The following MTUS1 variants were observed in gnomAD, a reference collection of about 807,000 sequenced individuals.
MTUS1 encodes microtubule associated scaffold protein 1.
Under a neutral mutation model 120.8 loss-of-function variants are expected in MTUS1, and 109 were observed. The observed-to-expected ratio is 0.90, with a 90% confidence interval of 0.77 to 1.06. The LOEUF is 1.06. Ranked by LOEUF, MTUS1 falls within the 50% of genes least tolerant of loss-of-function variation. The pLI is 0.00. For missense variants in MTUS1, 2,210 were observed against 1,486.3 expected, an observed-to-expected ratio of 1.49 and a Z score of -8.01; for synonymous variants, 737 against 550.5, an observed-to-expected ratio of 1.34 and a Z score of -4.74.
rs199622749 is a variant in MTUS1, at chr8:17,754,770, A to G, written c.1038T>C (p.Ile346=). 4.6e-5 allele frequency: 74 copies of G among 1,614,112 alleles called. No homozygotes were observed. The highest frequency in any genetic ancestry group is 1.0e-5 in the Non-Finnish European group (12 of 1,180,054). The change falls in exon 2 of 15, where the codon ATT becomes ATC. Residue 346 remains isoleucine (I), a synonymous_variant. Transcript: ENST00000693296. ...NLRETVSYCL[I]DDECPLMVPA... ...GCACCATTAAAGGGCATTCATCATC[A>G]ATAAGACAATAGGACACTGTCTCTC...
chr8:17,650,194 T>C (rs982361118), intron 12 of MTUS1, among the ~76,000 whole-genome samples: 12 of 152,202 alleles, frequency 7.9e-5, no homozygotes, highest in African/African-American at 2.9e-4. Flanking sequence ...TATGCAAAAA[T>C]GTGAGTTGCA....
intron 2 of MTUS1, among the ~76,000 whole-genome samples, chr8:17,745,394 G>T (rs1020998090): frequency 6.6e-6 from 1 of 152,128 alleles, no homozygotes; most frequent in Admixed American, 6.5e-5. Context: ...GTTTCAGGTG[G>T]ATTCAACATA....
chr8:17,742,631 TCTC>T (rs2047428584), intron 3 of MTUS1, among the ~76,000 whole-genome samples: 1 of 152,068 alleles, frequency 6.6e-6, no homozygotes, highest in Admixed American at 6.6e-5. Context: ...TGTGGTCATG[TCTC>T]CTTGACCTTG....
At chr8:17,692,965 C>T (rs1817250346) in intron 6 of MTUS1, among the ~76,000 whole-genome samples, 1 of 152,218 alleles carries the variant, frequency 6.6e-6, no homozygotes, top group Non-Finnish European at 1.5e-5. Context: ...GCAGTAATCA[C>T]TTTTAATGTC....
At chr8:17,665,015 G>A (rs1810593178) in intron 8 of MTUS1, among the ~76,000 whole-genome samples, 1 of 152,176 alleles carries the variant, frequency 6.6e-6, no homozygotes, top group Non-Finnish European at 1.5e-5. Flanking sequence ...AATACCACCT[G>A]TTCTGCCAAC....
At chr8:17,738,652 C>G (rs1228722975) in intron 3 of MTUS1, among the ~76,000 whole-genome samples, 1 of 152,110 alleles carries the variant, frequency 6.6e-6, no homozygotes, top group South Asian at 2.1e-4. Flanking sequence ...GTTGACTTCA[C>G]CTACCAAACC....
At chr8:17,725,371 T>C (rs957976210) in intron 3 of MTUS1, among the ~76,000 whole-genome samples, 2 of 152,144 alleles carry the variant, frequency 1.3e-5, no homozygotes, top group African/African-American at 2.4e-5. Context: ...ATTACCACAT[T>C]AAGCTCCCCT....
chr8:17,755,418 C>A lies in MTUS1; in HGVS notation c.390G>T (p.Gln130His), dbSNP rs745876254. Residue 130 changes from glutamine to histidine, a missense_variant, in exon 2 of 15, where the codon CAG becomes CAT. By Grantham distance (24) the Gln-to-His change is conservative (BLOSUM62 0). Coordinates refer to ENST00000693296, the MANE Select transcript of MTUS1 (RefSeq NM_001363059.2). ...SCHSLEAVEG[Q>H]SVEPSLPFVW... Reference sequence around the variant, plus strand: ...CAAAAGGCAAAGATGGCTCAACACTCTGGCCCTCAACTGCTTCTAGGGAAT... The same window carrying A: ...CAAAAGGCAAAGATGGCTCAACACTATGGCCCTCAACTGCTTCTAGGGAAT... 6.2e-7 allele frequency: 1 copy of A among 1,614,238 alleles called. No homozygotes were observed.
chr8:17,674,691 C>T, intron 8 of MTUS1: 3 of 987,592 alleles, frequency 3.0e-6, no homozygotes, highest in South Asian at 9.3e-5. Context: ...CATCAGCCCC[C>T]CTCCAAATAG....
chr8:17,696,975 T>G (rs112736394), intron 6 of MTUS1, among the ~76,000 whole-genome samples: 3,449 of 152,310 alleles, frequency 0.023, 40 homozygotes, highest in Middle Eastern at 0.037. Context: ...GGTGCTGATT[T>G]TCACACATTT....
At chr8:17,756,123 C>G (rs1360442118) in intron 1 of MTUS1, 162 bp from the exon 2 acceptor site, 3 of 262,664 alleles carry the variant, frequency 1.1e-5, no homozygotes, top group Non-Finnish European at 2.1e-5. Context: ...CAATCTATCA[C>G]CGCTTTTCAA....
chr8:17,715,920 G>T lies in MTUS1; in HGVS notation c.2450-19C>A. 1 of 1,603,436 alleles carries T rather than the reference G, an allele frequency of 6.2e-7. No individual in the cohort carries two copies. The highest frequency in any genetic ancestry group is 8.5e-7 in the Non-Finnish European group (1 of 1,176,496). On this transcript the variant is annotated intron_variant, in intron 4 of 14. Coordinates refer to ENST00000693296, the MANE Select transcript of MTUS1 (RefSeq NM_001363059.2). ...TTACCAGCTGTAATAAAACAGAAAAGTACATTTTATTGTATAGATAAACAC... is the reference window on the plus strand; with the variant it reads ...TTACCAGCTGTAATAAAACAGAAAATTACATTTTATTGTATAGATAAACAC...
rs572818474 is a variant in MTUS1 at position 17,723,458 on chromosome 8, C to T, written c.2449+214G>A. The stretch of plus-strand genomic sequence containing the variant: ...ACTTCAGACGATGCACTTTCGAATC[C>T]TTCATGCAAAAATATACTTTAACAC... On this transcript the variant is annotated intron_variant, in intron 4 of 14. Transcript: ENST00000693296. The T allele has an allele frequency of 1.5e-4, 91 of 608,910 alleles. 2 individuals carry two copies. Among genetic ancestry groups the T allele is most frequent in the Non-Finnish European group, 2.3e-4 (77 of 337,212 alleles). 37.7% of individuals were successfully genotyped at this position (608,910 alleles called of 1,614,324 possible). A position where few individuals can be genotyped will look rare whatever the true frequency, so the allele number is the denominator to read the frequency against.
At chr8:17,689,047 T>C (rs1333383555) in intron 6 of MTUS1, among the ~76,000 whole-genome samples, 4 of 151,974 alleles carry the variant, frequency 2.6e-5, no homozygotes, top group Admixed American at 2.6e-4. Context: ...CCATCTCGAC[T>C]AAAAATACAA....
At chr8:17,655,769 C>A in intron 9 of MTUS1, 94 bp downstream of exon 9, 1 of 1,085,376 alleles carries the variant, frequency 9.2e-7, no homozygotes, top group South Asian at 1.3e-5. Context: ...ACCTATTAGA[C>A]TAAAAAAGAG....
At chr8:17,762,905 G>A (rs113305941) in intron 1 of MTUS1, among the ~76,000 whole-genome samples, 2 of 151,946 alleles carry the variant, frequency 1.3e-5, no homozygotes, top group African/African-American at 4.8e-5. Flanking sequence ...TAGCAAAGAT[G>A]CGGCAAAGAG....
rs1208914854 is a variant in MTUS1 at position 17,775,634 on chromosome 8, CATT to C, written c.-154-19676_-154-19674del. On this transcript the variant is annotated intron_variant, in intron 1 of 14. Coordinates refer to ENST00000693296, the MANE Select transcript of MTUS1 (RefSeq NM_001363059.2). ...ATTAACTTAACTATCATAAAAGAGA[CATT>C]ATATCATAGAAGAGTAAAATTATCA... Among the ~76,000 whole-genome samples the C allele has an allele frequency of 1.9e-4, 29 of 152,322 alleles. 1 individual carries two copies. In the South Asian group the frequency reaches 5.6e-3, roughly 29 times the overall value.
chr8:17,782,853 G>A (rs997012901), intron 1 of MTUS1, among the ~76,000 whole-genome samples: 1 of 152,186 alleles, frequency 6.6e-6, no homozygotes, highest in Non-Finnish European at 1.5e-5. Context: ...AGAGGTGGGT[G>A]GATCACCTGA....
chr8:17,691,780 T>C (rs1035752034), intron 6 of MTUS1, among the ~76,000 whole-genome samples: 5 of 152,234 alleles, frequency 3.3e-5, no homozygotes, highest in Middle Eastern at 3.4e-3. Context: ...ACAAGAGAAA[T>C]TGAAGTTTAC....
Sources: allele counts gnomAD v4.1 joint callset (sites outside exome capture counted in the v4.1 genomes callset), GRCh38; gene constraint gnomAD v4.1.1; transcripts MANE v1.5; gene names NCBI Gene and HGNC (gene_info 2026-07-23, HGNC 2026-07-21).